Variants in MMS22L observed in about 807,000 individuals in gnomAD.
The protein encoded by MMS22L is MMS22 like, DNA repair protein.
A neutral mutation model predicts 159.1 loss-of-function variants in MMS22L; 74 were observed. That is an observed-to-expected ratio of 0.47 (90% confidence interval 0.39 to 0.56). The LOEUF (loss-of-function observed/expected upper bound fraction) is 0.56. MMS22L is among the 20% of genes least tolerant of loss of function. MMS22L has a pLI of 0.00. For synonymous variants in MMS22L, 517 were observed against 506.9 expected, an observed-to-expected ratio of 1.02 and a Z score of -0.27; for missense variants, 1,351 against 1,422.1, an observed-to-expected ratio of 0.95 and a Z score of 0.80.
chr6:97,202,517 G>T (rs528126896), intron 14 of MMS22L, among the ~76,000 whole-genome samples: 1 of 152,124 alleles, frequency 6.6e-6, no homozygotes, highest in Non-Finnish European at 1.5e-5. Context: ...TTACCTTAGC[G>T]TTGACTAACC....
intron 11 of MMS22L, among the ~76,000 whole-genome samples, chr6:97,236,682 T>C (rs147072584): frequency 0.011 from 1,635 of 152,296 alleles, 30 homozygotes; most frequent in African/African-American, 0.038. Flanking sequence ...CCGGGCACGG[T>C]GGCTCACACC....
intron 8 of MMS22L, chr6:97,264,996 C>T (rs1814935116): frequency 6.6e-6 from 1 of 152,036 alleles, no homozygotes; most frequent in Admixed American, 6.6e-5. Flanking sequence ...TCAATGAAAT[C>T]CCTACCAAAA....
At chr6:97,209,086 G>A (rs1808098542) in intron 14 of MMS22L, among the ~76,000 whole-genome samples, 2 of 151,846 alleles carry the variant, frequency 1.3e-5, no homozygotes, top group Admixed American at 6.6e-5. Context: ...CCAGTTCAAA[G>A]GCCATCTATT....
intron 11 of MMS22L, among the ~76,000 whole-genome samples, chr6:97,240,643 T>TTTTA (rs1811955140): frequency 6.6e-6 from 1 of 151,810 alleles, no homozygotes; most frequent in Non-Finnish European, 1.5e-5. Flanking sequence ...TTTTTTTTTT[T>TTTTA]GAGACAGAGT....
At chr6:97,263,534 T>A in intron 8 of MMS22L, 86 bp from the exon 9 acceptor site, 4 of 556,944 alleles carry the variant, frequency 7.2e-6, no homozygotes, top group Non-Finnish European at 1.2e-5. Context: ...TTTAAAAGAA[T>A]GATTTAGATG....
At chr6:97,197,226 C>A (rs1806625672) in intron 14 of MMS22L, among the ~76,000 whole-genome samples, 1 of 152,252 alleles carries the variant, frequency 6.6e-6, no homozygotes, top group African/African-American at 2.4e-5. Context: ...TTAGTAATTT[C>A]TAAAAGAAGA....
intron 20 of MMS22L, among the ~76,000 whole-genome samples, chr6:97,165,867 A>T (rs2128247279): frequency 1.3e-5 from 2 of 152,278 alleles, no homozygotes; most frequent in East Asian, 3.9e-4. Context: ...AATTTTTGCT[A>T]AAAGTCTTCC....
intron 4 of MMS22L, among the ~76,000 whole-genome samples, chr6:97,276,023 G>A (rs577836372): frequency 4.0e-5 from 6 of 151,898 alleles, no homozygotes; most frequent in African/African-American, 1.5e-4. Context: ...ACAAAGAGAC[G>A]GAAAGAGAGA....
At chr6:97,202,650 C>T (rs779397379) in intron 14 of MMS22L, among the ~76,000 whole-genome samples, 5 of 152,078 alleles carry the variant, frequency 3.3e-5, no homozygotes, top group African/African-American at 4.8e-5. Context: ...AACTTGACCA[C>T]TAAGTAACAG....
At chr6:97,249,211 A>G (rs550682391) in intron 10 of MMS22L, among the ~76,000 whole-genome samples, 1 of 152,324 alleles carries the variant, frequency 6.6e-6, no homozygotes, top group African/African-American at 2.4e-5. Flanking sequence ...CACTCCCTGC[A>G]TACTGTCACA....
At chr6:97,270,057 T>C (rs1815562507) in intron 6 of MMS22L, 65 bp from the exon 7 acceptor site, 3 of 1,242,466 alleles carry the variant, frequency 2.4e-6, no homozygotes, top group South Asian at 1.3e-5. Context: ...TTTCATAGCA[T>C]GTCACAATAC....
chr6:97,225,590 T>C (rs1388249820), intron 14 of MMS22L, among the ~76,000 whole-genome samples: 1 of 151,496 alleles, frequency 6.6e-6, no homozygotes, highest in Admixed American at 6.6e-5. Flanking sequence ...TTTTTTCTTT[T>C]GAGACCCAGT....
At chr6:97,189,896 AATTT>A (rs1805691514) in intron 14 of MMS22L, among the ~76,000 whole-genome samples, 2 of 152,194 alleles carry the variant, frequency 1.3e-5, no homozygotes, top group African/African-American at 2.4e-5. Context: ...TTATAATAAT[AATTT>A]ATTTAAGCAT....
At chr6:97,194,195 C>T (rs1178093736) in intron 14 of MMS22L, among the ~76,000 whole-genome samples, 2 of 152,136 alleles carry the variant, frequency 1.3e-5, no homozygotes, top group Non-Finnish European at 2.9e-5. Context: ...GTAGCTGGAA[C>T]TACAGGTGCG....
At chr6:97,155,792 A>G (rs939942001) in intron 22 of MMS22L, among the ~76,000 whole-genome samples, 1 of 152,188 alleles carries the variant, frequency 6.6e-6, no homozygotes, top group Non-Finnish European at 1.5e-5. Context: ...TGCAATAAAC[A>G]TATGTGTACA....
intron 14 of MMS22L, among the ~76,000 whole-genome samples, chr6:97,217,843 C>T (rs902546507): frequency 2.0e-5 from 3 of 152,146 alleles, no homozygotes; most frequent in Non-Finnish European, 4.4e-5. Flanking sequence ...ACAGAATCTT[C>T]GGTTCTGAGA....
chr6:97,159,649 A>T (rs1315616014), intron 22 of MMS22L, among the ~76,000 whole-genome samples: 1 of 152,036 alleles, frequency 6.6e-6, no homozygotes, highest in Non-Finnish European at 1.5e-5. Flanking sequence ...TCCAAATCTG[A>T]AAGTATTTGA....
In MMS22L at chr6:97,145,034, A is replaced by C. The variant is rs1403783696; in HGVS notation, c.*1772T>G. The stretch of plus-strand genomic sequence containing the variant: ...TTGGAAAAAAAAAACCCACACACAC[A>C]CACACACACACACACACACACACAC... On this transcript the variant is annotated 3_prime_UTR_variant, in exon 25 of 25. Coordinates refer to ENST00000683635, the MANE Select transcript of MMS22L (RefSeq NM_001350599.2). 1.9e-3 allele frequency: 247 copies of C among 128,584 alleles called. 13 individuals are homozygous for C. The highest frequency in any genetic ancestry group is 8.2e-3 in the African/African-American group (210 of 25,764). The allele number at this position is 128,584 out of a possible 1,614,324, so 8.0% of individuals were successfully genotyped here.
rs372143342 is a variant in MMS22L at position 97,179,373 on chromosome 6, C to A, written c.2536+35G>T. The A allele has an allele frequency of 9.4e-6, 15 of 1,587,620 alleles. No homozygotes were observed. In the African/African-American group the frequency reaches 1.5e-4, roughly 16 times the overall value. ...GACAGCAAATAGCTTTCCATAGATA[C>A]CCCCATCCTCCCCAAAAAACGTACA... On this transcript the variant is annotated intron_variant, in intron 17 of 24. Coordinates refer to ENST00000683635, the MANE Select transcript of MMS22L (RefSeq NM_001350599.2).
Sources: allele counts gnomAD v4.1 joint callset (sites outside exome capture counted in the v4.1 genomes callset), GRCh38; gene constraint gnomAD v4.1.1; transcripts MANE v1.5; gene names NCBI Gene and HGNC (gene_info 2026-07-23, HGNC 2026-07-21).